Variants in SNX9 observed in about 807,000 individuals in gnomAD.
SNX9 encodes the protein sorting nexin 9.
Under a neutral mutation model 89.4 loss-of-function variants are expected in SNX9, and 44 were observed. That is an observed-to-expected ratio of 0.49 (90% confidence interval 0.39 to 0.63). The LOEUF is 0.63. Ranked by LOEUF, SNX9 falls within the 30% of genes least tolerant of loss-of-function variation. SNX9 has a pLI of 0.00. For synonymous variants in SNX9, 236 were observed against 247.8 expected (o/e 0.95, Z 0.45); for missense variants, 578 against 736.1 (o/e 0.79, Z 2.49).
intron 4 of SNX9, among the ~76,000 whole-genome samples, chr6:157,886,970 A>G (rs570003140): frequency 6.5e-4 from 99 of 152,216 alleles, no homozygotes; most frequent in African/African-American, 2.1e-3. Flanking sequence ...AAATAGTGCT[A>G]AGTCTTTCAT....
rs775309036 is a variant in SNX9, at chr6:157,942,813, C to T, written c.1763C>T (p.Ala588Val). The change falls in exon 18 of 18, where the codon GCC becomes GTC. Residue 588 changes from alanine to valine, a missense_variant. Transcript: ENST00000392185. ...CAGATTGCAGAAAAGCTGAGGCAGG[C>T]CCTCAGCCGCTTTCCAGTGATGTAG... Reference protein sequence around the residue: ...YETIAEKLRQALSRFPVM With the variant: ...YETIAEKLRQVLSRFPVM 6.2e-7 allele frequency: 1 copy of T among 1,613,922 alleles called. No homozygotes were observed. The highest frequency in any genetic ancestry group is 8.5e-7 in the Non-Finnish European group (1 of 1,179,922).
intron 17 of SNX9, 26 bp downstream of exon 17, chr6:157,941,000 G>T: frequency 6.3e-7 from 1 of 1,595,790 alleles, no homozygotes; most frequent in Non-Finnish European, 8.6e-7. Flanking sequence ...CGTGCCTTTC[G>T]CATGTGCTTG....
chr6:157,838,091 C>T (rs977676172), intron 1 of SNX9, among the ~76,000 whole-genome samples: 2 of 152,086 alleles, frequency 1.3e-5, no homozygotes, highest in African/African-American at 4.8e-5. Flanking sequence ...CAGCTCACTG[C>T]AGCCCCAATT....
intron 4 of SNX9, among the ~76,000 whole-genome samples, chr6:157,887,853 A>G (rs1782769636): frequency 6.6e-6 from 1 of 152,060 alleles, no homozygotes; most frequent in Non-Finnish European, 1.5e-5. Context: ...CCACTATATA[A>G]ATGTTTGTAG....
In SNX9 at chr6:157,909,772, A is replaced by G. The variant is rs752331774; in HGVS notation, c.813A>G (p.Glu271=). 3.1e-6 allele frequency: 5 copies of G among 1,614,166 alleles called. No homozygotes were observed. The highest frequency in any genetic ancestry group is 4.2e-6 in the Non-Finnish European group (5 of 1,180,028). ...SKMYGLKSYI[E]YQLTPTNTNR... ...TGTATGGTCTAAAGAGCTACATCGA[A>G]TATCAGCTAACACCTACTGTAAGTA... Residue 271 remains glutamate (E), a synonymous_variant, in exon 8 of 18, where the codon GAA becomes GAG. Transcript: ENST00000392185.
At chr6:157,907,177 T>TTC (rs1783232618) in intron 7 of SNX9, among the ~76,000 whole-genome samples, 1 of 152,190 alleles carries the variant, frequency 6.6e-6, no homozygotes, top group South Asian at 2.1e-4. Context: ...TTTTCCTGTT[T>TTC]TCTCTGGACT....
rs531532053 is a variant in SNX9, at chr6:157,943,405, G to C, written c.*567G>C. 1 of 152,452 alleles carries C rather than the reference G, an allele frequency of 6.6e-6. No homozygotes were observed. Among genetic ancestry groups the C allele is most frequent in the East Asian group, 1.9e-4 (1 of 5,186 alleles). 9.4% of individuals were successfully genotyped at this position (152,452 alleles called of 1,614,324 possible). A position where few individuals can be genotyped will look rare whatever the true frequency, so the allele number is the denominator to read the frequency against. ...TCAAGTGCTTACACTTCAAGAGGGAGGACGCTGGGGGCCCCTGGGGCTGCT... is the reference window on the plus strand; with the variant it reads ...TCAAGTGCTTACACTTCAAGAGGGACGACGCTGGGGGCCCCTGGGGCTGCT... On this transcript the variant is annotated 3_prime_UTR_variant, in exon 18 of 18. Coordinates refer to ENST00000392185, the MANE Select transcript of SNX9 (RefSeq NM_016224.5).
At chr6:157,934,958 A>T (rs940807439) in intron 13 of SNX9, among the ~76,000 whole-genome samples, 2 of 152,218 alleles carry the variant, frequency 1.3e-5, no homozygotes, top group Non-Finnish European at 2.9e-5. Flanking sequence ...AGAGCCTACC[A>T]CTGGCCAAAG....
chr6:157,842,407 C>T (rs1376442304), intron 1 of SNX9, among the ~76,000 whole-genome samples: 1 of 152,162 alleles, frequency 6.6e-6, no homozygotes, highest in African/African-American at 2.4e-5. Flanking sequence ...GATGCAACTG[C>T]CCAATGGGTT....
intron 2 of SNX9, among the ~76,000 whole-genome samples, chr6:157,868,883 T>C (rs372891010): frequency 6.6e-6 from 1 of 152,228 alleles, no homozygotes; most frequent in South Asian, 2.1e-4. Context: ...GACACTGCCC[T>C]GTGCATGCCT....
chr6:157,925,311 A>T (rs1303583057), intron 10 of SNX9, among the ~76,000 whole-genome samples: 2 of 152,182 alleles, frequency 1.3e-5, no homozygotes, highest in Non-Finnish European at 2.9e-5. Flanking sequence ...ATGCCACTAC[A>T]CACGTGCCAG....
At chr6:157,940,117 G>A (rs1784006867) in intron 16 of SNX9, among the ~76,000 whole-genome samples, 1 of 152,198 alleles carries the variant, frequency 6.6e-6, no homozygotes, top group South Asian at 2.1e-4. Context: ...ACTGAAGAAG[G>A]GTCTCCCGCT....
chr6:157,870,059 C>T (rs1044197981), intron 2 of SNX9, among the ~76,000 whole-genome samples: 14 of 151,726 alleles, frequency 9.2e-5, no homozygotes, highest in Non-Finnish European at 1.5e-4. Flanking sequence ...CGTGTGAGCA[C>T]GCACACACAC....
At position 157,823,325 on chromosome 6, in the gene SNX9, G is replaced by A. The variant is rs2115097505; in HGVS notation, c.-110G>A. On this transcript the variant is annotated 5_prime_UTR_variant, in exon 1 of 18. Coordinates refer to ENST00000392185, the MANE Select transcript of SNX9 (RefSeq NM_016224.5). The surrounding 1 kb of genome is among the most constrained non-coding windows in gnomAD (Gnocchi z 4.6). ...GCGGAGGAGCGGCCGCCGCGCCGGG[G>A]CCCAGCCGGAGCCGCCGCCCTCGCC... The A allele has an allele frequency of 3.0e-6, 3 of 1,006,478 alleles. No individual in the cohort carries two copies. The highest frequency in any genetic ancestry group is 4.8e-5 in the East Asian group (1 of 20,724). The allele number at this position is 1,006,478 out of a possible 1,614,324, so 62.3% of individuals were successfully genotyped here.
At chr6:157,869,789 C>A (rs1782351988) in intron 2 of SNX9, among the ~76,000 whole-genome samples, 1 of 152,138 alleles carries the variant, frequency 6.6e-6, no homozygotes, top group Non-Finnish European at 1.5e-5. Context: ...TGCACGTGCA[C>A]AGGCACACAC....
intron 1 of SNX9, among the ~76,000 whole-genome samples, chr6:157,831,065 A>G (rs1447519481): frequency 6.6e-6 from 1 of 152,184 alleles, no homozygotes; most frequent in Admixed American, 6.5e-5. Context: ...CATTCATTAT[A>G]GTTTCTGGTT....
At chr6:157,900,303 T>G (rs184408687) in intron 5 of SNX9, among the ~76,000 whole-genome samples, 4 of 152,348 alleles carry the variant, frequency 2.6e-5, no homozygotes, top group Admixed American at 6.5e-5. Context: ...GTCCATTTTT[T>G]AATTGAGCTT....
chr6:157,897,405 C>T (rs1783003233), intron 5 of SNX9, among the ~76,000 whole-genome samples: 1 of 152,090 alleles, frequency 6.6e-6, no homozygotes, highest in Non-Finnish European at 1.5e-5. Flanking sequence ...GCTTCCATGC[C>T]CCCCTGCCCC....
intron 9 of SNX9, among the ~76,000 whole-genome samples, chr6:157,914,610 G>A (rs1406257305): frequency 6.6e-6 from 1 of 150,842 alleles, no homozygotes; most frequent in Non-Finnish European, 1.5e-5. Context: ...CTGAGTAGCT[G>A]GGACTACAGG....
Sources: allele counts gnomAD v4.1 joint callset (sites outside exome capture counted in the v4.1 genomes callset), GRCh38; gene constraint gnomAD v4.1.1; non-coding constraint Gnocchi (gnomAD v3.1); transcripts MANE v1.5; gene names NCBI Gene and HGNC (gene_info 2026-07-23, HGNC 2026-07-21).